Variants in RNF34 observed in about 807,000 individuals in gnomAD.
RNF34 encodes the protein ring finger protein 34, also known as E3 ubiquitin-protein ligase RNF34.
In RNF34, 12 loss-of-function variants were observed where a neutral mutation model predicts 37.9. The observed-to-expected ratio is 0.32, with a 90% CI of 0.20 to 0.51. RNF34 has a LOEUF of 0.51. Among genes scored for constraint, RNF34 ranks in the 20% least tolerant of loss-of-function variants. RNF34 has a pLI of 0.97. For synonymous variants in RNF34, 155 were observed against 177.2 expected, an observed-to-expected ratio of 0.87 and a Z score of 1.00; for missense variants, 362 against 472.7, an observed-to-expected ratio of 0.77 and a Z score of 2.17.
chr12:121,402,836 T>C (rs201172818), intron 1 of RNF34: 319 of 1,501,184 alleles, frequency 2.1e-4, no homozygotes, highest in Admixed American at 7.6e-4. Context: ...GCACATGTTA[T>C]TGTAATAATC....
intron 1 of RNF34, among the ~76,000 whole-genome samples, chr12:121,400,541 G>A (rs1391043202): frequency 6.6e-6 from 1 of 152,228 alleles, no homozygotes; most frequent in Non-Finnish European, 1.5e-5. Flanking sequence ...AGAGCCGCCA[G>A]GGCTCGCCTG....
intron 1 of RNF34, chr12:121,404,945 C>G (rs1870381655): frequency 6.6e-6 from 1 of 152,294 alleles, no homozygotes; most frequent in Non-Finnish European, 1.5e-5. Context: ...AGAAAGAGAG[C>G]TGGGCTGCTG....
intron 1 of RNF34, among the ~76,000 whole-genome samples, chr12:121,407,890 G>A (rs1278547750): frequency 1.3e-5 from 2 of 152,110 alleles, no homozygotes; most frequent in Non-Finnish European, 2.9e-5. Flanking sequence ...AAATAGATTG[G>A]CATATGTTCC....
intron 1 of RNF34, among the ~76,000 whole-genome samples, chr12:121,404,001 T>G (rs1470841947): frequency 6.6e-6 from 1 of 151,840 alleles, no homozygotes; most frequent in Non-Finnish European, 1.5e-5. Context: ...ATGACTTAGA[T>G]CATTTAGTTT....
intron 5 of RNF34, among the ~76,000 whole-genome samples, chr12:121,422,349 C>T (rs1017105303): frequency 2.0e-5 from 3 of 152,228 alleles, no homozygotes; most frequent in Admixed American, 6.5e-5. Flanking sequence ...TGACAAGATA[C>T]TGGCTCCTCT....
chr12:121,407,166 A>G (rs952879200), intron 1 of RNF34, among the ~76,000 whole-genome samples: 3 of 152,170 alleles, frequency 2.0e-5, no homozygotes, highest in African/African-American at 4.8e-5. Flanking sequence ...GGTATAACCC[A>G]TGGAGTTTTG....
intron 5 of RNF34, among the ~76,000 whole-genome samples, chr12:121,421,399 C>A (rs1314192492): frequency 0.12 from 10,664 of 89,426 alleles, 597 homozygotes; most frequent in South Asian, 0.33. Context: ...AAAAAAAAAA[C>A]CAAAAAAACC....
intron 1 of RNF34, among the ~76,000 whole-genome samples, chr12:121,400,549 C>T (rs1869881976): frequency 6.6e-6 from 1 of 152,216 alleles, no homozygotes; most frequent in Non-Finnish European, 1.5e-5. Flanking sequence ...CAGGGCTCGC[C>T]TGAGCCTCGG....
rs561619970 is a variant in RNF34 at position 121,402,851 on chromosome 12, A to C, written c.6+2633A>C. Reference sequence around the variant, plus strand: ...GCACATGTTATTGTAATAATCGATCAGTTTGGCCAATGTCTTGTCTAAAAG... The same window carrying C: ...GCACATGTTATTGTAATAATCGATCCGTTTGGCCAATGTCTTGTCTAAAAG... On this transcript the variant is annotated intron_variant, in intron 1 of 5. Transcript: ENST00000361234. 21 of 1,432,124 alleles carry C rather than the reference A, an allele frequency of 1.5e-5. No homozygotes were observed. In the East Asian group the frequency reaches 4.3e-4, roughly 30 times the overall value. 88.7% of individuals were successfully genotyped at this position (1,432,124 alleles called of 1,614,324 possible).
chr12:121,400,342 G>A lies in RNF34; in HGVS notation c.6+124G>A, dbSNP rs931520737. 5.8e-6 allele frequency: 7 copies of A among 1,205,192 alleles called. No homozygotes were observed. The African/African-American group carries it at 6.2e-5, about 11-fold the overall frequency. The allele number at this position is 1,205,192 out of a possible 1,614,324, so 74.7% of individuals were successfully genotyped here. A position where few individuals can be genotyped will look rare whatever the true frequency, so the allele number is the denominator to read the frequency against. On this transcript the variant is annotated intron_variant, in intron 1 of 5. Coordinates refer to ENST00000361234, the MANE Select transcript of RNF34 (RefSeq NM_025126.4). ...TCGTCATCTCGGAGAGCTGCGCTGA[G>A]GGGGGTCGCTTGCCCGGCTTCAGGT...
chr12:121,414,289 A>G (rs1225383783), intron 1 of RNF34, among the ~76,000 whole-genome samples: 4 of 152,378 alleles, frequency 2.6e-5, no homozygotes, highest in Admixed American at 1.3e-4. Flanking sequence ...AGATTCTAGA[A>G]TATGCTTAAG....
chr12:121,412,922 G>A (rs1448155241), intron 1 of RNF34, among the ~76,000 whole-genome samples: 7 of 151,198 alleles, frequency 4.6e-5, no homozygotes, highest in African/African-American at 1.7e-4. Context: ...TCACCATGTT[G>A]GCCAGGCTGG....
In RNF34 at chr12:121,400,153, A is replaced by G; in HGVS notation, c.-60A>G. The G allele has an allele frequency of 1.9e-6, 3 of 1,589,542 alleles. No homozygotes were observed. Among genetic ancestry groups the G allele is most frequent in the Non-Finnish European group, 2.6e-6 (3 of 1,171,014 alleles). On this transcript the variant is annotated 5_prime_UTR_variant, in exon 1 of 6. Transcript: ENST00000361234. ...CAGAGGGAAGGAGGTCGGCAGTGTG[A>G]GGAGCTGCTATGGTGCTGAGTTTCC...
rs1872374859 is a variant in RNF34 at position 121,423,896 on chromosome 12, T to G, written c.*320T>G. On this transcript the variant is annotated 3_prime_UTR_variant, in exon 6 of 6. Coordinates refer to ENST00000361234, the MANE Select transcript of RNF34 (RefSeq NM_025126.4). This position sits in a 1 kb window ranked among gnomAD's most constrained non-coding sequence, Gnocchi z 4.3. ...TTGGGAGGACACTTATCCTGTTCTC[T>G]TATTTCCCCTTCATCCTATTTTTAA... 2 of 255,944 alleles carry G rather than the reference T, an allele frequency of 7.8e-6. No homozygotes were observed. Among genetic ancestry groups the G allele is most frequent in the South Asian group, 1.7e-4 (2 of 11,606 alleles). The allele number at this position is 255,944 out of a possible 1,614,324, so 15.9% of individuals were successfully genotyped here.
intron 1 of RNF34, chr12:121,415,285 C>T (rs1281993714): frequency 2.6e-6 from 1 of 382,228 alleles, no homozygotes; most frequent in Non-Finnish European, 5.6e-6. Flanking sequence ...ATATTATACC[C>T]AATTACAAAT....
intron 1 of RNF34, chr12:121,402,756 C>A: frequency 1.2e-6 from 2 of 1,603,050 alleles, no homozygotes; most frequent in South Asian, 2.2e-5. Flanking sequence ...GGGAGTGGTA[C>A]TAAGGATCAA....
rs567295692 is a variant in RNF34 at position 121,403,055 on chromosome 12, G to T, written c.6+2837G>T. Among the ~76,000 whole-genome samples the T allele has an allele frequency of 3.3e-5, 5 of 152,264 alleles. No individual in the cohort carries two copies. In the East Asian group the frequency reaches 9.6e-4, roughly 29 times the overall value. On this transcript the variant is annotated intron_variant, in intron 1 of 5. Transcript: ENST00000361234. ...TCAGTTGAAGCAGCAGTTTTGATAA[G>T]AAATCCTTTCACATTCTAAGGAGCA... is the stretch of plus-strand genomic sequence containing the variant.
chr12:121,411,189 A>C (rs1566228258), intron 1 of RNF34, among the ~76,000 whole-genome samples: 3 of 152,208 alleles, frequency 2.0e-5, no homozygotes, highest in South Asian at 4.2e-4. Context: ...TGGCCACCTA[A>C]AGTGCTGGGA....
chr12:121,407,031 T>G (rs139825196), intron 1 of RNF34, among the ~76,000 whole-genome samples: 1,759 of 152,278 alleles, frequency 0.012, 18 homozygotes, highest in Non-Finnish European at 0.018. Flanking sequence ...GTGAACACAG[T>G]ACCCAACAGT....
Sources: gnomAD v4.1 joint callset for allele counts (sites outside exome capture counted in the v4.1 genomes callset) on GRCh38, gnomAD v4.1.1 for gene constraint, Gnocchi (gnomAD v3.1) non-coding constraint, MANE v1.5 for transcripts, NCBI Gene and HGNC (gene_info 2026-07-23, HGNC 2026-07-21) for gene names.